Variants in FTCDNL1 observed in about 807,000 individuals in gnomAD.
FTCDNL1 encodes the protein formiminotransferase cyclodeaminase N-terminal like, also known as formiminotransferase N-terminal subdomain-containing protein.
A neutral mutation model predicts 5.9 loss-of-function variants in FTCDNL1; 11 were observed. The observed-to-expected ratio is 1.87, with a 90% CI of 1.18 to 3.10. The LOEUF (loss-of-function observed/expected upper bound fraction) is 3.10, where lower values mean the gene tolerates loss of function less well. FTCDNL1 is among the 30% of genes most tolerant of loss of function. The pLI is 0.00. For synonymous variants in FTCDNL1, 58 were observed against 24.8 expected (o/e 2.34, Z -3.99); for missense variants, 115 against 65.5 (o/e 1.76, Z -2.61).
the FTCDNL1 span, among the ~76,000 whole-genome samples, chr2:199,724,069 AT>A: frequency 6.6e-6 from 1 of 152,106 alleles, no homozygotes; most frequent in Non-Finnish European, 1.5e-5. Flanking sequence ...AGAACTCATT[AT>A]TGGTCTATTC....
chr2:199,694,050 G>T, the FTCDNL1 span, among the ~76,000 whole-genome samples: 1 of 152,134 alleles, frequency 6.6e-6, no homozygotes, highest in Admixed American at 6.5e-5. Flanking sequence ...TAATTCCAAG[G>T]TCTGTGGCCA....
In FTCDNL1 at chr2:199,850,778, C is replaced by T. The variant is rs1350841009; in HGVS notation, c.-46G>A. 2 of 152,482 alleles carry T rather than the reference C, an allele frequency of 1.3e-5. No individual in the cohort carries two copies. Among genetic ancestry groups the T allele is most frequent in the African/African-American group, 4.8e-5 (2 of 41,582 alleles). 9.4% of individuals were successfully genotyped at this position (152,482 alleles called of 1,614,324 possible). On this transcript the variant is annotated 5_prime_UTR_variant, in exon 1 of 5. Transcript: ENST00000420128. ...ACGCACCCCACCGGCACTTGGAGGC[C>T]GCAAGGACGCTCGCCAGGCTGCCGC...
the FTCDNL1 span, among the ~76,000 whole-genome samples, chr2:199,664,385 CTT>C: frequency 6.6e-6 from 1 of 152,160 alleles, no homozygotes; most frequent in South Asian, 2.1e-4. Flanking sequence ...CTGAAGAACA[CTT>C]CTTTTTCCCC....
chr2:199,671,392 G>C, the FTCDNL1 span, among the ~76,000 whole-genome samples: 3 of 151,954 alleles, frequency 2.0e-5, no homozygotes, highest in African/African-American at 7.3e-5. Context: ...TGGGAGTGCA[G>C]GTTGGGAGAA....
rs182740890 is a variant in FTCDNL1, at chr2:199,769,721, G to A, written c.212-8886C>T. ...AGTCAGGTCTGGTTGTGGTCCCCAC[G>A]CCTACCCCTTGCTATTTCAGGGTGG... On this transcript the variant is annotated intron_variant, in intron 3 of 3. Transcript: ENST00000416668. 8.2e-4 allele frequency among the ~76,000 whole-genome samples: 124 copies of A among 152,144 alleles called. 1 individual carries two copies. In the Middle Eastern group the frequency reaches 0.01, roughly 13 times the overall value.
At chr2:199,678,062 C>T in the FTCDNL1 span, among the ~76,000 whole-genome samples, 3 of 152,080 alleles carry the variant, frequency 2.0e-5, no homozygotes, top group African/African-American at 4.8e-5. Context: ...ACCATTGAAT[C>T]GAGGACAAAC....
At chr2:199,689,839 T>G in the FTCDNL1 span, among the ~76,000 whole-genome samples, 3 of 150,506 alleles carry the variant, frequency 2.0e-5, no homozygotes, top group Non-Finnish European at 3.0e-5. Flanking sequence ...AGAATATAAT[T>G]AGATATGGGC....
chr2:199,792,374 T>C (rs926645387), intron 3 of FTCDNL1, among the ~76,000 whole-genome samples: 1 of 152,202 alleles, frequency 6.6e-6, no homozygotes, highest in Admixed American at 6.5e-5. Context: ...CCCTGCCTCA[T>C]CCTGCAAATA....
At chr2:199,814,683 T>C (rs946190526) in intron 4 of FTCDNL1, among the ~76,000 whole-genome samples, 1 of 152,222 alleles carries the variant, frequency 6.6e-6, no homozygotes, top group African/African-American at 2.4e-5. Flanking sequence ...ACATGCTTAG[T>C]GACACATTGA....
the FTCDNL1 span, among the ~76,000 whole-genome samples, chr2:199,698,496 G>A: frequency 6.6e-6 from 1 of 152,082 alleles, no homozygotes; most frequent in African/African-American, 2.4e-5. Flanking sequence ...ACAATTACAT[G>A]GACATTAAAC....
the FTCDNL1 span, among the ~76,000 whole-genome samples, chr2:199,700,188 C>A: frequency 2.0e-5 from 3 of 152,120 alleles, no homozygotes; most frequent in African/African-American, 7.2e-5. Context: ...ATCTGATAAA[C>A]AATTTCAGCA....
the FTCDNL1 span, among the ~76,000 whole-genome samples, chr2:199,745,712 C>G: frequency 3.3e-5 from 5 of 152,296 alleles, no homozygotes; most frequent in African/African-American, 7.2e-5. Flanking sequence ...CCACAAGGAC[C>G]CTTCTTGGCT....
Position 199,842,276 on chromosome 2 carries a change from T to A in FTCDNL1, c.211+3799A>T, listed in dbSNP as rs183155546. Reference sequence around the variant, plus strand: ...GAGCAAGACTCCATCTCAAAAAATTTAAAAAAAATAAAACTTCATAATCTG... The same window carrying A: ...GAGCAAGACTCCATCTCAAAAAATTAAAAAAAAATAAAACTTCATAATCTG... On this transcript the variant is annotated intron_variant, in intron 3 of 4. Coordinates refer to ENST00000420128, the MANE Select transcript of FTCDNL1 (RefSeq NM_001363886.2). 1.1e-3 allele frequency among the ~76,000 whole-genome samples: 166 copies of A among 151,568 alleles called. 2 individuals are homozygous for A. Among genetic ancestry groups the A allele is most frequent in the Admixed American group, 2.3e-3 (35 of 15,180 alleles).
At chr2:199,785,373 C>T (rs944780152) in intron 3 of FTCDNL1, among the ~76,000 whole-genome samples, 35 of 150,704 alleles carry the variant, frequency 2.3e-4, no homozygotes, top group Admixed American at 1.1e-3. Context: ...TCAGCCTCTC[C>T]GAGTAGCTGG....
chr2:199,779,794 T>C (rs985646650), intron 3 of FTCDNL1, among the ~76,000 whole-genome samples: 1 of 152,128 alleles, frequency 6.6e-6, no homozygotes, highest in Non-Finnish European at 1.5e-5. Context: ...GAGATGGAGA[T>C]GGTGACGTCA....
intron 3 of FTCDNL1, among the ~76,000 whole-genome samples, chr2:199,792,561 C>G (rs956689434): frequency 6.6e-6 from 1 of 152,168 alleles, no homozygotes; most frequent in East Asian, 1.9e-4. Flanking sequence ...TGACTACATA[C>G]ATGCCTACCA....
chr2:199,833,221 C>T (rs1010046572), intron 3 of FTCDNL1, among the ~76,000 whole-genome samples: 9 of 152,166 alleles, frequency 5.9e-5, no homozygotes, highest in African/African-American at 2.2e-4. Context: ...ATCCACCTGC[C>T]TCGACCTCCC....
chr2:199,733,243 C>CA, the FTCDNL1 span, among the ~76,000 whole-genome samples: 1 of 152,300 alleles, frequency 6.6e-6, no homozygotes, highest in East Asian at 1.9e-4. Flanking sequence ...GTAAGGCAGG[C>CA]ACTGCTCATT....
the FTCDNL1 span, among the ~76,000 whole-genome samples, chr2:199,735,131 A>C: frequency 2.6e-5 from 4 of 151,490 alleles, 1 homozygote; most frequent in South Asian, 4.2e-4. Context: ...AAAAAAAAAA[A>C]AAAACCACAT....
Sources: allele counts gnomAD v4.1 joint callset (sites outside exome capture counted in the v4.1 genomes callset), GRCh38; gene constraint gnomAD v4.1.1; transcripts MANE v1.5; gene names NCBI Gene and HGNC (gene_info 2026-07-23, HGNC 2026-07-21).